LRRIQ1: variants seen among roughly 807,000 people sequenced by gnomAD.
LRRIQ1 encodes leucine-rich repeat- and IQ domain-containing protein 1.
LRRIQ1 carries 210 observed loss-of-function variants against 211.9 expected under a neutral mutation model. The observed-to-expected ratio is 0.99, with a 90% confidence interval of 0.89 to 1.11. The LOEUF is 1.11. Ranked by LOEUF, LRRIQ1 falls within the 50% of genes most tolerant of loss-of-function variation. The pLI is 0.00. For synonymous variants in LRRIQ1, 699 were observed against 650.1 expected (o/e 1.08, Z -1.14); for missense variants, 2,136 against 1,939.5 (o/e 1.10, Z -1.90).
chr12:85,112,655 A>G (rs1009553857), intron 15 of LRRIQ1, among the ~76,000 whole-genome samples: 3 of 151,800 alleles, frequency 2.0e-5, no homozygotes, highest in African/African-American at 7.3e-5. Context: ...TTTCTACCAG[A>G]GAAAATTGGT....
At chr12:85,224,830 G>T (rs1203795930) in intron 24 of LRRIQ1, among the ~76,000 whole-genome samples, 1 of 151,860 alleles carries the variant, frequency 6.6e-6, no homozygotes, top group Admixed American at 6.6e-5. Context: ...CACGTGTATA[G>T]TTATATAACA....
At chr12:85,103,838 A>G (rs1450705239) in intron 13 of LRRIQ1, among the ~76,000 whole-genome samples, 166 bp from the exon 14 acceptor site, 2 of 151,552 alleles carry the variant, frequency 1.3e-5, no homozygotes, top group African/African-American at 4.8e-5. Flanking sequence ...CACTGTTAGC[A>G]AGTGCTATAA....
intron 24 of LRRIQ1, among the ~76,000 whole-genome samples, chr12:85,166,743 C>T (rs1891171707): frequency 1.3e-5 from 2 of 152,152 alleles, no homozygotes; most frequent in Non-Finnish European, 2.9e-5. Flanking sequence ...TGAAGGCAGC[C>T]CCGTAAGAAG....
chr12:85,104,238 C>G (rs1886610616), intron 14 of LRRIQ1, among the ~76,000 whole-genome samples, 161 bp downstream of exon 14: 1 of 151,818 alleles, frequency 6.6e-6, no homozygotes, highest in South Asian at 2.1e-4. Context: ...TTTATTTCCA[C>G]TTTTACAGTC....
chr12:85,059,725 G>A lies in LRRIQ1; in HGVS notation c.2391+2541G>A, dbSNP rs895528274. Among the ~76,000 whole-genome samples, 30 of 151,950 alleles carry A rather than the reference G, an allele frequency of 2.0e-4. No individual in the cohort carries two copies. In the Middle Eastern group the frequency reaches 0.01, roughly 52 times the overall value. On this transcript the variant is annotated intron_variant, in intron 8 of 26. Coordinates refer to ENST00000393217, the MANE Select transcript of LRRIQ1 (RefSeq NM_001079910.2). Reference sequence around the variant, plus strand: ...AATTGATGAATAAAGAATTCCAGTCGAAATATTTAATGTAGAGGACGGGTT... The same window carrying A: ...AATTGATGAATAAAGAATTCCAGTCAAAATATTTAATGTAGAGGACGGGTT...
chr12:85,148,750 A>G (rs1419050969), intron 19 of LRRIQ1, among the ~76,000 whole-genome samples: 1 of 151,818 alleles, frequency 6.6e-6, no homozygotes. Flanking sequence ...GGTTGAACTA[A>G]ATTACATTAC....
At chr12:85,176,904 T>G (rs565489030) in intron 24 of LRRIQ1, among the ~76,000 whole-genome samples, 1 of 152,124 alleles carries the variant, frequency 6.6e-6, no homozygotes, top group Non-Finnish European at 1.5e-5. Flanking sequence ...TTGTTTTGGA[T>G]GAGTCTTACA....
chr12:85,108,257 C>T (rs760717637), intron 15 of LRRIQ1, among the ~76,000 whole-genome samples: 2 of 152,124 alleles, frequency 1.3e-5, no homozygotes, highest in Non-Finnish European at 2.9e-5. Context: ...CCAAAGAAAT[C>T]GTTGGAGTAA....
intron 24 of LRRIQ1, among the ~76,000 whole-genome samples, chr12:85,182,803 G>C (rs1892047631): frequency 6.6e-6 from 1 of 152,068 alleles, no homozygotes; most frequent in Non-Finnish European, 1.5e-5. Context: ...ATCTGTCATG[G>C]GTTTGGGTTA....
downstream of LRRIQ1, among the ~76,000 whole-genome samples, chr12:85,265,992 A>G (rs115733129): frequency 3.4e-3 from 512 of 152,162 alleles, 1 homozygote; most frequent in African/African-American, 0.012. Flanking sequence ...ATTCTGCTAA[A>G]CATAGTGAAT....
At chr12:85,186,321 A>G (rs1450958567) in intron 24 of LRRIQ1, among the ~76,000 whole-genome samples, 3 of 152,134 alleles carry the variant, frequency 2.0e-5, no homozygotes, top group African/African-American at 7.2e-5. Context: ...GTGTATAGGG[A>G]ATATTCCTAT....
At chr12:85,202,504 C>G (rs895884819) in intron 24 of LRRIQ1, among the ~76,000 whole-genome samples, 2 of 152,118 alleles carry the variant, frequency 1.3e-5, no homozygotes, top group Non-Finnish European at 2.9e-5. Context: ...GTTAGGTCTT[C>G]TTGTTGAATT....
Position 85,046,064 on chromosome 12 carries a change from C to A in LRRIQ1, c.381C>A (p.Thr127=), listed in dbSNP as rs758609487. 6.2e-7 allele frequency: 1 copy of A among 1,611,066 alleles called. No individual in the cohort carries two copies. The highest frequency in any genetic ancestry group is 2.2e-5 in the East Asian group (1 of 44,692). The change falls in exon 5 of 27, where the codon ACC becomes ACA. Residue 127 remains threonine (T), a synonymous_variant. Coordinates refer to ENST00000393217, the MANE Select transcript of LRRIQ1 (RefSeq NM_001079910.2). The stretch of plus-strand genomic sequence containing the variant: ...AAGAAGAATTTATGAGAAGTAAAAC[C>A]GATTGTGCCACTCCTGATTTTGTTC... ...IEKEEFMRSK[T]DCATPDFVPE... is the part of the protein sequence containing the mutation.
chr12:85,042,366 C>T (rs1316308108), intron 3 of LRRIQ1, among the ~76,000 whole-genome samples: 4 of 148,072 alleles, frequency 2.7e-5, no homozygotes, highest in African/African-American at 7.4e-5. Context: ...TATTTAAAAT[C>T]GTTAATTATT....
intron 11 of LRRIQ1, chr12:85,076,606 G>T (rs1468358287): frequency 2.6e-6 from 2 of 762,518 alleles, no homozygotes; most frequent in Non-Finnish European, 3.2e-6. Context: ...AAATATGAAA[G>T]ATATGGAAAT....
chr12:85,165,629 C>G (rs759872709), intron 24 of LRRIQ1, among the ~76,000 whole-genome samples: 1 of 151,934 alleles, frequency 6.6e-6, no homozygotes, highest in Non-Finnish European at 1.5e-5. Context: ...CACGCCACCA[C>G]GCCCAGCTAA....
At chr12:85,090,394 G>A (rs1418954808) in intron 11 of LRRIQ1, among the ~76,000 whole-genome samples, 1 of 152,124 alleles carries the variant, frequency 6.6e-6, no homozygotes, top group Admixed American at 6.5e-5. Context: ...AGATCCACTG[G>A]CAGCTTGCAC....
intron 24 of LRRIQ1, among the ~76,000 whole-genome samples, chr12:85,170,074 C>T (rs748616922): frequency 6.6e-6 from 1 of 151,916 alleles, no homozygotes; most frequent in Non-Finnish European, 1.5e-5. Context: ...CAAACTATAA[C>T]TTTTAAAACG....
chr12:85,254,431 A>G (rs1896030825), intron 1 of LRRIQ1, among the ~76,000 whole-genome samples: 2 of 152,132 alleles, frequency 1.3e-5, no homozygotes, highest in Admixed American at 6.6e-5. Flanking sequence ...AAATTTACAA[A>G]TAAATTATTT....
Sources: gnomAD v4.1 joint callset for allele counts (sites outside exome capture counted in the v4.1 genomes callset) on GRCh38, gnomAD v4.1.1 for gene constraint, MANE v1.5 for transcripts, NCBI Gene and HGNC (gene_info 2026-07-23, HGNC 2026-07-21) for gene names.